The following SLC6A16 variants were observed in gnomAD, a reference collection of about 807,000 sequenced individuals.
The protein encoded by SLC6A16 is orphan sodium- and chloride-dependent neurotransmitter transporter NTT5.
A neutral mutation model predicts 65.4 loss-of-function variants in SLC6A16; 54 were observed. The observed-to-expected ratio is 0.83, with a 90% confidence interval of 0.66 to 1.04. The LOEUF (loss-of-function observed/expected upper bound fraction) is 1.04, where lower values mean the gene tolerates loss of function less well. Ranked by LOEUF, SLC6A16 falls within the 50% of genes least tolerant of loss-of-function variation. The probability of loss-of-function intolerance (pLI) is 0.00; values close to 1 mark genes in which losing one functional copy is unlikely to be tolerated. For missense variants in SLC6A16, 816 were observed against 914.0 expected (o/e 0.89, Z 1.38); for synonymous variants, 330 against 346.5 (o/e 0.95, Z 0.53).
chr19:49,314,258 G>C (rs1322293684), intron 1 of SLC6A16, among the ~76,000 whole-genome samples: 1 of 152,102 alleles, frequency 6.6e-6, no homozygotes, highest in Non-Finnish European at 1.5e-5. Context: ...AATAGTAACA[G>C]ATGAGAACCA....
At chr19:49,318,125 A>G (rs968021008) in intron 1 of SLC6A16, among the ~76,000 whole-genome samples, 3 of 152,220 alleles carry the variant, frequency 2.0e-5, no homozygotes, top group African/African-American at 7.2e-5. Flanking sequence ...GCCATTAGCT[A>G]AATATCAACC....
intron 7 of SLC6A16, among the ~76,000 whole-genome samples, chr19:49,301,415 A>G (rs531137388): frequency 1.3e-5 from 2 of 152,212 alleles, no homozygotes; most frequent in Non-Finnish European, 2.9e-5. Context: ...ACAGGCTGTC[A>G]GTATCAGCCA....
chr19:49,328,168 C>T (rs1018379338), upstream of SLC6A16, among the ~76,000 whole-genome samples: 2 of 152,012 alleles, frequency 1.3e-5, no homozygotes, highest in Admixed American at 6.6e-5. Flanking sequence ...GGGTAATTTA[C>T]GAAGAAAAGA....
chr19:49,319,954 A>C (rs1970682004), intron 1 of SLC6A16, among the ~76,000 whole-genome samples: 1 of 152,214 alleles, frequency 6.6e-6, no homozygotes, highest in African/African-American at 2.4e-5. Context: ...GAAATTAAAC[A>C]ACACACTCTT....
the SLC6A16 span, chr19:49,336,174 T>C: frequency 1.3e-5 from 3 of 229,138 alleles, no homozygotes; most frequent in African/African-American, 4.6e-5. Flanking sequence ...TAAATAATAA[T>C]GAAATATAAC....
rs1450713799 is a variant in SLC6A16 at position 49,323,854 on chromosome 19, T to G, written c.-65+1194A>C. Among the ~76,000 whole-genome samples, 5 of 152,310 alleles carry G rather than the reference T, an allele frequency of 3.3e-5. No homozygotes were observed. The East Asian group carries it at 9.6e-4, about 29-fold the overall frequency. ...TTACCATATGATCCAGCAATTCCAC[T>G]TCTGGGTATACACCCAAAATAAGTG... is the stretch of plus-strand genomic sequence containing the variant. On this transcript the variant is annotated intron_variant, in intron 1 of 11. Coordinates refer to ENST00000335875, the MANE Select transcript of SLC6A16 (RefSeq NM_014037.3).
the SLC6A16 span, chr19:49,339,972 G>A: frequency 1.3e-5 from 18 of 1,421,660 alleles, no homozygotes; most frequent in South Asian, 2.1e-4. This position sits in a 1 kb window ranked among gnomAD's most constrained non-coding sequence, Gnocchi z 4.5. Context: ...CTGAGGCAGA[G>A]GGGGAAGACA....
chr19:49,322,392 G>A (rs1194035924), intron 1 of SLC6A16, among the ~76,000 whole-genome samples: 2 of 152,024 alleles, frequency 1.3e-5, no homozygotes, highest in Non-Finnish European at 2.9e-5. Context: ...TGTAATCCCA[G>A]CACTTTGGGA....
chr19:49,321,324 A>T (rs1380237194), intron 1 of SLC6A16, among the ~76,000 whole-genome samples: 2 of 148,482 alleles, frequency 1.3e-5, no homozygotes, highest in Admixed American at 1.4e-4. Flanking sequence ...CATGATAAAA[A>T]AAAAAAAAAA....
chr19:49,333,161 C>CAAAA, the SLC6A16 span, among the ~76,000 whole-genome samples: 1 of 151,532 alleles, frequency 6.6e-6, no homozygotes, highest in Non-Finnish European at 1.5e-5. Context: ...GACTCCATCT[C>CAAAA]AAAACAAACA....
chr19:49,307,037 C>T lies in SLC6A16; in HGVS notation c.1229+1839G>A, dbSNP rs1600631057. On this transcript the variant is annotated intron_variant, in intron 7 of 11. Coordinates refer to ENST00000335875, the MANE Select transcript of SLC6A16 (RefSeq NM_014037.3). ...TTACTTCACGGTTCGTTACACAGTG[C>T]ATTGTTTTATACACTTTTTTTTTTT... Among the ~76,000 whole-genome samples the T allele has an allele frequency of 2.9e-5, 3 of 102,342 alleles. No homozygotes were observed. In the East Asian group the frequency reaches 8.0e-4, roughly 27 times the overall value. 67.1% of individuals were successfully genotyped at this position (102,342 alleles called of 152,430 possible).
Position 49,292,240 on chromosome 19 carries a change from G to A in SLC6A16, c.1778+983C>T, listed in dbSNP as rs1970091865. 6.6e-6 allele frequency among the ~76,000 whole-genome samples: 1 copy of A among 152,114 alleles called. No individual in the cohort carries two copies. Among genetic ancestry groups the A allele is most frequent in the Non-Finnish European group, 1.5e-5 (1 of 68,030 alleles). On this transcript the variant is annotated intron_variant, in intron 10 of 11. Coordinates refer to ENST00000335875, the MANE Select transcript of SLC6A16 (RefSeq NM_014037.3). The surrounding 1 kb of genome is among the most constrained non-coding windows in gnomAD (Gnocchi z 4.3). ...AAATTAGCCGGGCGTGGTGGTGAATGCCTGTAATCCCAGCTACTCAGAAGG... is the reference window on the plus strand; with the variant it reads ...AAATTAGCCGGGCGTGGTGGTGAATACCTGTAATCCCAGCTACTCAGAAGG...
the SLC6A16 span, chr19:49,338,975 C>A: frequency 1.6e-6 from 2 of 1,255,838 alleles, no homozygotes; most frequent in Middle Eastern, 2.0e-4. This position sits in a 1 kb window ranked among gnomAD's most constrained non-coding sequence, Gnocchi z 5.0. Context: ...TCGAATGGGG[C>A]GGGGCCTGCG....
chr19:49,299,497 T>G lies in SLC6A16; in HGVS notation c.1230-4944A>C, dbSNP rs573578838. On this transcript the variant is annotated intron_variant, in intron 7 of 11. Transcript: ENST00000335875. The stretch of plus-strand genomic sequence containing the variant: ...TGAACCTGGGAGGCAGAGGTTGCAG[T>G]GAGCCGAAAGCCTGGGTGACAGAGG... 2.2e-5 allele frequency among the ~76,000 whole-genome samples: 3 copies of G among 136,356 alleles called. No homozygotes were observed. In the East Asian group the frequency reaches 6.4e-4, roughly 29 times the overall value. 89.5% of individuals were successfully genotyped at this position (136,356 alleles called of 152,430 possible).
At chr19:49,339,455 CTA>C in the SLC6A16 span, 1 of 1,581,798 alleles carries the variant, frequency 6.3e-7, no homozygotes, top group South Asian at 1.1e-5. This position sits in a 1 kb window ranked among gnomAD's most constrained non-coding sequence, Gnocchi z 4.5. Context: ...CCCTAAATCC[CTA>C]GATGGCCCTG....
chr19:49,298,501 GGT>G (rs1388641845), intron 7 of SLC6A16, among the ~76,000 whole-genome samples: 20 of 152,076 alleles, frequency 1.3e-4, no homozygotes, highest in African/African-American at 4.3e-4. Context: ...AATGCTCACT[GGT>G]GTGTTTCTCA....
rs1970114313 is a variant in SLC6A16, at chr19:49,293,276, GATGATGGGGAAGAC to G, written c.1711_1724del (p.Val571ArgfsTer6). 5 of 1,614,130 alleles carry G rather than the reference GATGATGGGGAAGAC, an allele frequency of 3.1e-6. No individual in the cohort carries two copies. The highest frequency in any genetic ancestry group is 4.2e-6 in the Non-Finnish European group (5 of 1,180,020). ...CCATGGTTTCAAATACGACAACGAC[GATGATGGGGAAGAC>G]TATCCAGTAGTCACTCAGCAGTCTG... On this transcript the variant is annotated frameshift_variant, in exon 10 of 12. Coordinates refer to ENST00000335875, the MANE Select transcript of SLC6A16 (RefSeq NM_014037.3). LOFTEE classifies it high-confidence loss of function.
At chr19:49,291,212 A>G (rs1357266703) in intron 10 of SLC6A16, among the ~76,000 whole-genome samples, 1 of 151,944 alleles carries the variant, frequency 6.6e-6, no homozygotes, top group Non-Finnish European at 1.5e-5. Flanking sequence ...TAAATATACA[A>G]GTGGGGTCTT....
chr19:49,336,825 C>T, the SLC6A16 span: 1 of 1,499,718 alleles, frequency 6.7e-7, no homozygotes, highest in African/African-American at 1.4e-5. Flanking sequence ...TACTGCTCCC[C>T]ACTTGGGTGG....
Sources: allele counts gnomAD v4.1 joint callset (sites outside exome capture counted in the v4.1 genomes callset), GRCh38; gene constraint gnomAD v4.1.1; non-coding constraint Gnocchi (gnomAD v3.1); transcripts MANE v1.5; gene names NCBI Gene and HGNC (gene_info 2026-07-23, HGNC 2026-07-21).